NFILZ: variants seen among roughly 807,000 people sequenced by gnomAD.
The protein encoded by NFILZ is NFIL3 like protein.
At chr19:8,656,496 CCGCAGCCCACCT>C (rs2043003578) in intron 3 of NFILZ, among the ~76,000 whole-genome samples, 24 of 99,888 alleles carry the variant, frequency 2.4e-4, no homozygotes, top group Non-Finnish European at 3.6e-4. Flanking sequence ...CCACCTTCTC[CCGCAGCCCACCT>C]TCTCCTGCAG....
chr19:8,636,756 T>G (rs2146135692), intron 3 of NFILZ, among the ~76,000 whole-genome samples: 1 of 151,946 alleles, frequency 6.6e-6, no homozygotes, highest in East Asian at 2.0e-4. Context: ...CATGCTTGGC[T>G]AATTTTTGTA....
intron 3 of NFILZ, among the ~76,000 whole-genome samples, chr19:8,670,550 C>G (rs140508660): frequency 6.6e-6 from 1 of 152,196 alleles, no homozygotes; most frequent in Non-Finnish European, 1.5e-5. Context: ...AAAAGGCAGG[C>G]GCCATGAGAC....
At chr19:8,643,651 G>C (rs1178271684) in intron 3 of NFILZ, among the ~76,000 whole-genome samples, 2 of 152,138 alleles carry the variant, frequency 1.3e-5, no homozygotes, top group African/African-American at 4.8e-5. Context: ...TCTACCCCTG[G>C]TGCTCCTGGC....
intron 3 of NFILZ, among the ~76,000 whole-genome samples, chr19:8,672,685 T>C (rs2043093963): frequency 6.6e-6 from 1 of 151,692 alleles, no homozygotes. Flanking sequence ...TATTAGTTCA[T>C]TCAAAAATAT....
intron 2 of NFILZ, among the ~76,000 whole-genome samples, chr19:8,634,341 G>A (rs1394372968): frequency 1.3e-5 from 2 of 151,800 alleles, no homozygotes; most frequent in Non-Finnish European, 2.9e-5. Context: ...CTGTTGCCCA[G>A]GCTGGATTGC....
intron 3 of NFILZ, among the ~76,000 whole-genome samples, chr19:8,657,437 A>T (rs1327143509): frequency 6.6e-6 from 1 of 150,976 alleles, no homozygotes; most frequent in African/African-American, 2.4e-5. Context: ...GTCGTTGGGG[A>T]CTCTGGCTGC....
intron 3 of NFILZ, among the ~76,000 whole-genome samples, chr19:8,647,100 G>C (rs1226313745): frequency 6.6e-6 from 1 of 152,202 alleles, no homozygotes; most frequent in Non-Finnish European, 1.5e-5. Flanking sequence ...TGTGGAACGT[G>C]ATTAGAACAA....
intron 3 of NFILZ, among the ~76,000 whole-genome samples, chr19:8,656,748 A>G (rs1267820877): frequency 2.0e-5 from 3 of 151,988 alleles, no homozygotes; most frequent in Non-Finnish European, 2.9e-5. Flanking sequence ...CTGGGCCCCT[A>G]TGGGTGGCAA....
chr19:8,656,983 G>A lies in NFILZ; in HGVS notation c.-163-17568G>A, dbSNP rs894134495. Among the ~76,000 whole-genome samples the A allele has an allele frequency of 1.3e-5, 2 of 152,080 alleles. 1 individual carries two copies. Among genetic ancestry groups the A allele is most frequent in the South Asian group, 4.2e-4 (2 of 4,818 alleles). The stretch of plus-strand genomic sequence containing the variant: ...TTTGTCCTGGGGGTTGTCTGTGGTT[G>A]GCGTTTGACTATTGAGGGGATCCAG... On this transcript the variant is annotated intron_variant, in intron 3 of 5. Coordinates refer to ENST00000691075, the MANE Select transcript of NFILZ (RefSeq NM_001378600.1).
intron 3 of NFILZ, among the ~76,000 whole-genome samples, chr19:8,647,087 T>C (rs1485024365): frequency 6.6e-6 from 1 of 152,178 alleles, no homozygotes; most frequent in African/African-American, 2.4e-5. Flanking sequence ...GAGGAGGCTA[T>C]TATGTGGAAC....
At chr19:8,672,588 T>C (rs2043093243) in intron 3 of NFILZ, among the ~76,000 whole-genome samples, 1 of 126,870 alleles carries the variant, frequency 7.9e-6, no homozygotes, top group Admixed American at 8.7e-5. Flanking sequence ...ATTCATGCAT[T>C]TATTAATTCA....
intron 3 of NFILZ, among the ~76,000 whole-genome samples, chr19:8,665,374 G>A (rs2043057301): frequency 1.3e-5 from 2 of 152,138 alleles, no homozygotes; most frequent in South Asian, 2.1e-4. Context: ...GGAGTGGTGT[G>A]TTTGAGGAGG....
intron 3 of NFILZ, among the ~76,000 whole-genome samples, chr19:8,672,709 CA>C (rs2043094119): frequency 1.4e-5 from 2 of 145,958 alleles, no homozygotes; most frequent in African/African-American, 5.3e-5. Flanking sequence ...GGCATTCATT[CA>C]AAAAATATTT....
chr19:8,636,626 T>G (rs916956709), intron 3 of NFILZ, among the ~76,000 whole-genome samples: 23 of 151,194 alleles, frequency 1.5e-4, no homozygotes, highest in Non-Finnish European at 3.0e-4. Context: ...TTTTTTTTAA[T>G]TTTTATTTTT....
At chr19:8,674,973 T>C (rs1555750592) in intron 4 of NFILZ, among the ~76,000 whole-genome samples, 1 of 152,194 alleles carries the variant, frequency 6.6e-6, no homozygotes, top group African/African-American at 2.4e-5. Context: ...TCATGGTTTC[T>C]TGGGTGGGAG....
At chr19:8,640,506 G>A (rs1190645494) in intron 3 of NFILZ, among the ~76,000 whole-genome samples, 1 of 151,992 alleles carries the variant, frequency 6.6e-6, no homozygotes, top group Admixed American at 6.6e-5. Flanking sequence ...GGGGCCAATG[G>A]CTGTGAGCAG....
chr19:8,657,103 G>A (rs1164390509), intron 3 of NFILZ, among the ~76,000 whole-genome samples: 1 of 151,928 alleles, frequency 6.6e-6, no homozygotes, highest in Non-Finnish European at 1.5e-5. Context: ...GTGGAGGGGG[G>A]CGGTTTTCGC....
chr19:8,673,397 C>T (rs75085989), intron 3 of NFILZ, among the ~76,000 whole-genome samples: 24 of 152,208 alleles, frequency 1.6e-4, no homozygotes, highest in Admixed American at 1.6e-3. Context: ...CAGGAAATTG[C>T]AAACCCAGGG....
chr19:8,664,464 A>G (rs1600152427), intron 3 of NFILZ, among the ~76,000 whole-genome samples: 1 of 146,954 alleles, frequency 6.8e-6, no homozygotes, highest in Non-Finnish European at 1.5e-5. Context: ...TCTTCCCCTG[A>G]GGCTCAGGAG....
Sources: gnomAD v4.1 joint callset for allele counts (sites outside exome capture counted in the v4.1 genomes callset) on GRCh38, gnomAD v4.1.1 for gene constraint, MANE v1.5 for transcripts, NCBI Gene and HGNC (gene_info 2026-07-23, HGNC 2026-07-21) for gene names.